CELF4: variants seen among roughly 807,000 people sequenced by gnomAD.
CELF4 encodes the protein CUGBP Elav-like family member 4, also known as CUG-BP- and ETR-3-like factor 4.
Under a neutral mutation model 59.9 loss-of-function variants are expected in CELF4, and 18 were observed. The observed-to-expected ratio is 0.30, with a 90% CI of 0.21 to 0.45. The LOEUF (loss-of-function observed/expected upper bound fraction) is 0.45, where lower values mean the gene tolerates loss of function less well. Ranked by LOEUF, CELF4 falls within the 20% of genes least tolerant of loss-of-function variation. The probability of loss-of-function intolerance (pLI) is 1.00; values close to 1 mark genes in which losing one functional copy is unlikely to be tolerated. For missense variants in CELF4, 456 were observed against 689.0 expected (o/e 0.66, Z 3.79); for synonymous variants, 261 against 267.1 (o/e 0.98, Z 0.22).
At chr18:37,356,040 C>T (rs1024804652) in intron 2 of CELF4, among the ~76,000 whole-genome samples, 6 of 152,146 alleles carry the variant, frequency 3.9e-5, no homozygotes, top group Non-Finnish European at 5.9e-5. Flanking sequence ...CTGGCCTGGC[C>T]CCAGGGTCTC....
At chr18:37,463,861 G>T (rs2082125375) in intron 2 of CELF4, among the ~76,000 whole-genome samples, 1 of 152,136 alleles carries the variant, frequency 6.6e-6, no homozygotes, top group Non-Finnish European at 1.5e-5. Context: ...CCAACTGAGT[G>T]TGACATTTTA....
At chr18:37,465,299 CAG>C (rs1440888860) in intron 2 of CELF4, among the ~76,000 whole-genome samples, 1 of 152,148 alleles carries the variant, frequency 6.6e-6, no homozygotes, top group Non-Finnish European at 1.5e-5. Context: ...CATAAATAAA[CAG>C]AATATCCAAT....
intron 2 of CELF4, among the ~76,000 whole-genome samples, chr18:37,338,968 G>A (rs2097888555): frequency 6.6e-6 from 1 of 152,296 alleles, no homozygotes; most frequent in East Asian, 1.9e-4. Context: ...GCAAGAGGAT[G>A]GGCAATGGCC....
chr18:37,469,838 A>G (rs1361734586), intron 2 of CELF4, among the ~76,000 whole-genome samples: 2 of 152,162 alleles, frequency 1.3e-5, no homozygotes, highest in Non-Finnish European at 1.5e-5. Context: ...TTTGAGGAAC[A>G]TCCAGGCACG....
At chr18:37,419,317 A>C (rs2099554121) in intron 2 of CELF4, among the ~76,000 whole-genome samples, 1 of 152,248 alleles carries the variant, frequency 6.6e-6, no homozygotes, top group Admixed American at 6.5e-5. Context: ...CAACTCAAGA[A>C]AGATGCACTG....
At chr18:37,337,263 C>G (rs544862073) in intron 2 of CELF4, among the ~76,000 whole-genome samples, 33 of 152,294 alleles carry the variant, frequency 2.2e-4, no homozygotes, top group African/African-American at 7.7e-4. Flanking sequence ...GGTGGGGAGA[C>G]TGGCGAGACC....
At chr18:37,478,503 G>A (rs529013956) in intron 2 of CELF4, among the ~76,000 whole-genome samples, 81 of 152,346 alleles carry the variant, frequency 5.3e-4, no homozygotes, top group Non-Finnish European at 9.3e-4. Flanking sequence ...AGGCCCCTAT[G>A]AGAGTCAAGA....
Position 37,361,955 on chromosome 18 carries a change from C to T in CELF4, c.370-40074G>A, listed in dbSNP as rs886414572. ...AGAAGCTTCAGAGGGTACCCAGGGG[C>T]ACTGAGGCCAGGCCAAGAGGCTGCT... On this transcript the variant is annotated intron_variant, in intron 2 of 12. Coordinates refer to ENST00000420428, the MANE Select transcript of CELF4 (RefSeq NM_020180.4). 5.3e-5 allele frequency among the ~76,000 whole-genome samples: 8 copies of T among 152,108 alleles called. No individual in the cohort carries two copies. The South Asian group carries it at 8.3e-4, about 16-fold the overall frequency.
At chr18:37,469,439 AT>A (rs1426803791) in intron 2 of CELF4, among the ~76,000 whole-genome samples, 1 of 152,176 alleles carries the variant, frequency 6.6e-6, no homozygotes, top group Non-Finnish European at 1.5e-5. Flanking sequence ...TTCATGCATT[AT>A]TAGAAAATCC....
chr18:37,274,611 C>A (rs754447395), intron 5 of CELF4, 157 bp from the exon 6 acceptor site: 29 of 1,523,230 alleles, frequency 1.9e-5, no homozygotes, highest in Admixed American at 1.8e-4. Flanking sequence ...AACCCCACCG[C>A]GGGCATTTTC....
chr18:37,330,698 A>C (rs1379124448), intron 2 of CELF4, among the ~76,000 whole-genome samples: 1 of 152,064 alleles, frequency 6.6e-6, no homozygotes, highest in East Asian at 1.9e-4. Flanking sequence ...ATGATGACTG[A>C]ATCCTCCATC....
intron 2 of CELF4, among the ~76,000 whole-genome samples, chr18:37,348,273 G>A (rs1242539275): frequency 6.6e-6 from 1 of 152,136 alleles, no homozygotes; most frequent in East Asian, 1.9e-4. Context: ...GTGAGGTGAG[G>A]CTCAGGAGCT....
chr18:37,312,037 G>C (rs1472732848), intron 3 of CELF4, among the ~76,000 whole-genome samples: 2 of 149,592 alleles, frequency 1.3e-5, no homozygotes, highest in African/African-American at 2.5e-5. Context: ...CATGAACCTG[G>C]GAGGTGGAAC....
chr18:37,355,547 C>T (rs2098549119), intron 2 of CELF4, among the ~76,000 whole-genome samples: 1 of 151,976 alleles, frequency 6.6e-6, no homozygotes, highest in Non-Finnish European at 1.5e-5. Context: ...GGGGTGCATA[C>T]CTGTAATCCC....
chr18:37,360,859 C>G (rs1047220643), intron 2 of CELF4, among the ~76,000 whole-genome samples: 2 of 152,204 alleles, frequency 1.3e-5, no homozygotes, highest in African/African-American at 2.4e-5. Flanking sequence ...TATGTGATTG[C>G]GACAAAATCC....
intron 1 of CELF4, among the ~76,000 whole-genome samples, chr18:37,491,174 G>T (rs1254526676): frequency 8.4e-6 from 1 of 118,480 alleles, no homozygotes; most frequent in Non-Finnish European, 2.0e-5. Flanking sequence ...CGAGAGGGAT[G>T]CCGTGCCCAC....
chr18:37,344,144 GC>G (rs1200014928), intron 2 of CELF4, among the ~76,000 whole-genome samples: 1 of 152,226 alleles, frequency 6.6e-6, no homozygotes, highest in Non-Finnish European at 1.5e-5. Context: ...TCATTCAGGA[GC>G]CTTCCTCGAG....
At position 37,565,494 on chromosome 18, in the gene CELF4, C is replaced by G; in HGVS notation, c.148G>C (p.Asp50His). The change falls in exon 1 of 13, where the codon GAC (aspartate) becomes CAC (histidine). Residue 50 changes from aspartate (D) to histidine (H), a missense_variant. By Grantham distance (81) the Asp-to-His change is moderately conservative (BLOSUM62 -1). Around this residue, in one of 7 missense-constraint regions of CELF4, gnomAD observed 70 missense variants for 69.5 expected, o/e 1.01. Coordinates refer to ENST00000420428, the MANE Select transcript of CELF4 (RefSeq NM_020180.4). ...ATGAACAGCTTGATGGCATCGTGGTCCTTCATGGGAATGGTCGACGGGTTC... is the reference window on the plus strand; with the variant it reads ...ATGAACAGCTTGATGGCATCGTGGTGCTTCATGGGAATGGTCGACGGGTTC... Reference protein sequence around the residue: ...PGNPSTIPMKDHDAIKLFIGQ... With the variant: ...PGNPSTIPMKHHDAIKLFIGQ... 1 of 1,614,148 alleles carries G rather than the reference C, an allele frequency of 6.2e-7. No individual in the cohort carries two copies. The highest frequency in any genetic ancestry group is 8.5e-7 in the Non-Finnish European group (1 of 1,180,042).
rs1029041675 is a variant in CELF4 at position 37,321,612 on chromosome 18, C to T, written c.448+191G>A. Among the ~76,000 whole-genome samples the T allele has an allele frequency of 2.5e-4, 38 of 152,170 alleles. 1 individual carries two copies. Among genetic ancestry groups the T allele is most frequent in the African/African-American group, 8.4e-4 (35 of 41,448 alleles). ...GCACCGTCTGGAAGACCCCAAACAC[C>T]CCCCTTCCCTCCTGTCTCTCTCCAC... On this transcript the variant is annotated intron_variant, in intron 3 of 12. Transcript: ENST00000420428.
Sources: allele counts gnomAD v4.1 joint callset (sites outside exome capture counted in the v4.1 genomes callset), GRCh38; gene constraint gnomAD v4.1.1; regional missense constraint gnomAD v4.1.1; transcripts MANE v1.5; gene names NCBI Gene and HGNC (gene_info 2026-07-23, HGNC 2026-07-21).